Variants in KIF1A observed in about 807,000 individuals in gnomAD.
KIF1A encodes the protein kinesin family member 1A.
A neutral mutation model predicts 227.3 loss-of-function variants in KIF1A; 46 were observed. The ratio of observed to expected loss-of-function variants is 0.20; its 90% confidence interval spans 0.16 to 0.26. The LOEUF is 0.26. Ranked by LOEUF, KIF1A falls within the 10% of genes least tolerant of loss-of-function variation. The pLI is 1.00. For synonymous variants in KIF1A, 1,022 were observed against 1,012.8 expected (o/e 1.01, Z -0.17); for missense variants, 1,683 against 2,485.9 (o/e 0.68, Z 6.87).
At chr2:240,744,812 C>G (rs1305079535) in intron 32 of KIF1A, among the ~76,000 whole-genome samples, 1 of 152,212 alleles carries the variant, frequency 6.6e-6, no homozygotes, top group Non-Finnish European at 1.5e-5. Flanking sequence ...CCCACTGAGT[C>G]TCCAGGTTAT....
chr2:240,790,337 G>A lies in KIF1A; in HGVS notation c.107-1025C>T, dbSNP rs370634457. 2.0e-5 allele frequency among the ~76,000 whole-genome samples: 3 copies of A among 152,032 alleles called. No individual in the cohort carries two copies. The East Asian group carries it at 5.9e-4, about 30-fold the overall frequency. On this transcript the variant is annotated intron_variant, in intron 2 of 48. Transcript: ENST00000498729. This position sits in a 1 kb window ranked among gnomAD's most constrained non-coding sequence, Gnocchi z 5.0. ...CCACCACCATCACATCAGCAAACCT[G>A]AAGAACGAAGCCCTCATGGCACCGT... is the stretch of plus-strand genomic sequence containing the variant.
chr2:240,762,981 TG>T lies in KIF1A; in HGVS notation c.2022+37del, dbSNP rs2050715994. On this transcript the variant is annotated intron_variant, in intron 22 of 48. Transcript: ENST00000498729. The stretch of plus-strand genomic sequence containing the variant: ...GAGGACAGGGGTCCCCTGGTGTGGG[TG>T]GGGGCTGGGCAGGGAGGGCGGGGCC... 1.2e-5 allele frequency: 8 copies of T among 657,110 alleles called. No homozygotes were observed. The South Asian group carries it at 1.6e-4, about 13-fold the overall frequency. The allele number at this position is 657,110 out of a possible 1,614,324, so 40.7% of individuals were successfully genotyped here.
At position 240,750,368 on chromosome 2, in the gene KIF1A, C is replaced by G. The variant is rs566782579; in HGVS notation, c.2977+61G>C. 32 of 1,308,126 alleles carry G rather than the reference C, an allele frequency of 2.4e-5. No individual in the cohort carries two copies. The African/African-American group carries it at 3.3e-4, about 14-fold the overall frequency. 81.0% of individuals were successfully genotyped at this position (1,308,126 alleles called of 1,614,324 possible). On this transcript the variant is annotated intron_variant, in intron 28 of 48. Transcript: ENST00000498729. ...CTTCTTGGGCCCACGCCTCTGCCTG[C>G]AAAGGTCAGAGCCAGCCCCAGGGGC... is the stretch of plus-strand genomic sequence containing the variant.
intron 48 of KIF1A, 115 bp downstream of exon 48, chr2:240,717,935 G>A: frequency 1.4e-6 from 1 of 735,216 alleles, no homozygotes; most frequent in Non-Finnish European, 2.4e-6. Flanking sequence ...TTGAGGGCAG[G>A]ACCCCTGGGA....
intron 14 of KIF1A, chr2:240,771,359 C>T: frequency 1.8e-6 from 1 of 565,320 alleles, no homozygotes; most frequent in South Asian, 2.0e-5. Flanking sequence ...CACCCCTTGC[C>T]TACGATGGGA....
At position 240,739,322 on chromosome 2, in the gene KIF1A, A is replaced by C. The variant is rs2047696039; in HGVS notation, c.3901+736T>G. ...GAAGACAAATTCTTTCCGCTTTAGC[A>C]AAGGAAACATTTGGCGGACCCGAAT... On this transcript the variant is annotated intron_variant, in intron 37 of 48. Coordinates refer to ENST00000498729, the MANE Select transcript of KIF1A (RefSeq NM_001244008.2). This position sits in a 1 kb window ranked among gnomAD's most constrained non-coding sequence, Gnocchi z 5.6. Among the ~76,000 whole-genome samples the C allele has an allele frequency of 6.6e-6, 1 of 152,254 alleles. No homozygotes were observed. The highest frequency in any genetic ancestry group is 2.1e-4 in the South Asian group (1 of 4,834).
At position 240,723,368 on chromosome 2, in the gene KIF1A, A is replaced by G. The variant is rs1352844310; in HGVS notation, c.4464+45T>C. 3 of 1,499,128 alleles carry G rather than the reference A, an allele frequency of 2.0e-6. No homozygotes were observed. The East Asian group carries it at 7.5e-5, about 37-fold the overall frequency. The allele number at this position is 1,499,128 out of a possible 1,614,324, so 92.9% of individuals were successfully genotyped here. A position where few individuals can be genotyped will look rare whatever the true frequency, so the allele number is the denominator to read the frequency against. On this transcript the variant is annotated intron_variant, in intron 42 of 48. Transcript: ENST00000498729. ...CAGCTTTTGCTCTGCACACAAAGCCACATGGACACCACCGTGCGGGCCTCA... is the reference window on the plus strand; with the variant it reads ...CAGCTTTTGCTCTGCACACAAAGCCGCATGGACACCACCGTGCGGGCCTCA...
At chr2:240,753,103 A>T (rs930018349) in intron 27 of KIF1A, among the ~76,000 whole-genome samples, 1 of 152,192 alleles carries the variant, frequency 6.6e-6, no homozygotes, top group African/African-American at 2.4e-5. Flanking sequence ...CACAAAGGTG[A>T]CCCACCAACT....
At chr2:240,777,509 T>A (rs1391106701) in intron 10 of KIF1A, among the ~76,000 whole-genome samples, 3 of 152,024 alleles carry the variant, frequency 2.0e-5, no homozygotes, top group Non-Finnish European at 4.4e-5. Flanking sequence ...CCAGTCGTGC[T>A]CTGCCATCTC....
intron 2 of KIF1A, among the ~76,000 whole-genome samples, chr2:240,797,167 G>A (rs1005536861): frequency 4.6e-5 from 7 of 152,226 alleles, no homozygotes; most frequent in African/African-American, 7.2e-5. Context: ...ATACTGATAC[G>A]GTTTGGATAT....
chr2:240,783,990 C>T (rs933103241), intron 7 of KIF1A, among the ~76,000 whole-genome samples, 174 bp from the exon 8 acceptor site: 2 of 152,182 alleles, frequency 1.3e-5, no homozygotes, highest in Non-Finnish European at 2.9e-5. Flanking sequence ...TCCACCCGCA[C>T]CTCCGTCCCA....
intron 17 of KIF1A, among the ~76,000 whole-genome samples, chr2:240,768,474 A>G (rs2051489275): frequency 6.6e-6 from 1 of 152,042 alleles, no homozygotes; most frequent in Admixed American, 6.5e-5. Context: ...GTCTGTCCCC[A>G]TGTCCTGGCC....
intron 1 of KIF1A, among the ~76,000 whole-genome samples, chr2:240,815,788 C>G (rs2058272584): frequency 6.6e-6 from 1 of 152,200 alleles, no homozygotes; most frequent in Non-Finnish European, 1.5e-5. Context: ...CCTCACTTTA[C>G]AAGCCACATG....
At position 240,800,446 on chromosome 2, in the gene KIF1A, A is replaced by G. The variant is rs150496180; in HGVS notation, c.-60-2634T>C. Among the ~76,000 whole-genome samples the G allele has an allele frequency of 5.9e-4, 90 of 152,284 alleles. 1 individual carries two copies. The East Asian group carries it at 0.017, about 29-fold the overall frequency. ...AATCAGTGTGCAGCCACAAGCCAACATTCCAGAGGAGGGGCTGCCAAGACG... is the reference window on the plus strand; with the variant it reads ...AATCAGTGTGCAGCCACAAGCCAACGTTCCAGAGGAGGGGCTGCCAAGACG... On this transcript the variant is annotated intron_variant, in intron 1 of 48. Coordinates refer to ENST00000498729, the MANE Select transcript of KIF1A (RefSeq NM_001244008.2).
intron 25 of KIF1A, 43 bp downstream of exon 25, chr2:240,760,622 G>A: frequency 7.1e-7 from 1 of 1,410,878 alleles, no homozygotes; most frequent in Non-Finnish European, 9.3e-7. Context: ...GCCCTGCCCA[G>A]GAGGACCCTC....
chr2:240,802,724 T>C (rs2057073525), intron 1 of KIF1A, among the ~76,000 whole-genome samples: 1 of 152,172 alleles, frequency 6.6e-6, no homozygotes, highest in African/African-American at 2.4e-5. Context: ...CTTTACCTCC[T>C]AGGCTTAAGC....
chr2:240,771,816 T>G (rs2052036695), intron 14 of KIF1A, among the ~76,000 whole-genome samples: 1 of 152,158 alleles, frequency 6.6e-6, no homozygotes, highest in African/African-American at 2.4e-5. Context: ...CACGAGGAGC[T>G]CACCCACCAG....
At chr2:240,719,276 A>G in intron 46 of KIF1A, 78 bp from the exon 47 acceptor site, 3 of 1,490,934 alleles carry the variant, frequency 2.0e-6, no homozygotes, top group African/African-American at 1.4e-5. Context: ...TCTACCACCC[A>G]GAGCTGGGAC....
chr2:240,795,697 G>A (rs1481271717), intron 2 of KIF1A, among the ~76,000 whole-genome samples: 1 of 152,230 alleles, frequency 6.6e-6, no homozygotes, highest in Admixed American at 6.5e-5. Flanking sequence ...CAGTGCCCCT[G>A]GAGGCTGAGC....
Sources: allele counts gnomAD v4.1 joint callset (sites outside exome capture counted in the v4.1 genomes callset), GRCh38; gene constraint gnomAD v4.1.1; non-coding constraint Gnocchi (gnomAD v3.1); transcripts MANE v1.5; gene names NCBI Gene and HGNC (gene_info 2026-07-23, HGNC 2026-07-21).